RNF220: variants seen among roughly 807,000 people sequenced by gnomAD.
RNF220 encodes the protein E3 ubiquitin-protein ligase RNF220.
A neutral mutation model predicts 67.1 loss-of-function variants in RNF220; 7 were observed. The ratio of observed to expected loss-of-function variants is 0.10; its 90% CI spans 0.06 to 0.20. The LOEUF is 0.20. RNF220 is among the 10% of genes least tolerant of loss of function. The pLI, the probability that RNF220 is intolerant of heterozygous loss-of-function variation, is 1.00. For synonymous variants in RNF220, 270 were observed against 283.2 expected (o/e 0.95, Z 0.47); for missense variants, 565 against 740.3 (o/e 0.76, Z 2.75).
At chr1:44,411,940 C>G in intron 1 of RNF220, 41 bp from the exon 2 acceptor site, 211 of 695,988 alleles carry the variant, frequency 3.0e-4, no homozygotes, top group East Asian at 7.5e-4. Flanking sequence ...CTCCCCCTGA[C>G]TTTCCTCCCC....
chr1:44,649,731 C>A lies in RNF220; in HGVS notation c.1516C>A (p.Leu506Ile), dbSNP rs781000352. ...TCGGGTCAGAGAACTTGAACGGCAGCTATCTCGTGGGGACCGTTACAAATG... is the reference window on the plus strand; with the variant it reads ...TCGGGTCAGAGAACTTGAACGGCAGATATCTCGTGGGGACCGTTACAAATG... ...KARVRELERQLSRGDRYKCLI... is the reference protein window; with the variant it reads ...KARVRELERQISRGDRYKCLI... Residue 506 changes from leucine (L) to isoleucine (I), a missense_variant, in exon 13 of 15, where the codon CTA (leucine) becomes ATA (isoleucine). Physicochemically the swap from Leu to Ile is conservative, Grantham distance 5 (BLOSUM62 2). Transcript: ENST00000361799. This position sits in a 1 kb window ranked among gnomAD's most constrained non-coding sequence, Gnocchi z 5.9. 6.2e-7 allele frequency: 1 copy of A among 1,614,052 alleles called. No individual in the cohort carries two copies. The highest frequency in any genetic ancestry group is 8.5e-7 in the Non-Finnish European group (1 of 1,179,960).
chr1:44,459,789 G>A (rs1336422371), intron 2 of RNF220, among the ~76,000 whole-genome samples: 2 of 152,176 alleles, frequency 1.3e-5, no homozygotes, highest in Non-Finnish European at 2.9e-5. Flanking sequence ...CTTCAGGAAG[G>A]AGTGATTATG....
At chr1:44,568,860 G>A (rs1664227907) in intron 2 of RNF220, among the ~76,000 whole-genome samples, 1 of 152,180 alleles carries the variant, frequency 6.6e-6, no homozygotes, top group South Asian at 2.1e-4. Context: ...AGGCTTCGGA[G>A]GCTATTCCTC....
At chr1:44,632,647 A>G (rs1644196659) in intron 6 of RNF220, 1 of 575,928 alleles carries the variant, frequency 1.7e-6, no homozygotes, top group South Asian at 2.1e-5. Flanking sequence ...GTGCCGGAGA[A>G]TGAGGAACGA....
intron 2 of RNF220, among the ~76,000 whole-genome samples, chr1:44,424,536 G>C (rs1649552125): frequency 6.6e-6 from 1 of 152,164 alleles, no homozygotes; most frequent in South Asian, 2.1e-4. Context: ...TGCAGAAAGG[G>C]GAGTGAGGAC....
At position 44,632,400 on chromosome 1, in the gene RNF220, G is replaced by GGCCCCCCCC; in HGVS notation, c.949+15_949+16insGCCCCCCCC. On this transcript the variant is annotated intron_variant, in intron 6 of 14. Transcript: ENST00000361799. ...CCGACTGAATGGTGAGTCCTGCCCGGCCCCTCCCTCCGCCCCACCCCCGGC... is the reference window on the plus strand; with the variant it reads ...CCGACTGAATGGTGAGTCCTGCCCGGGCCCCCCCCCCCCTCCCTCCGCCCCACCCCCGGC... The GGCCCCCCCC allele has an allele frequency of 2.5e-6, 4 of 1,607,428 alleles. No individual in the cohort carries two copies. The highest frequency in any genetic ancestry group is 1.7e-6 in the Non-Finnish European group (2 of 1,177,470).
intron 2 of RNF220, among the ~76,000 whole-genome samples, chr1:44,422,481 CTAACCACAGAGATGCTTCATTG>C (rs1358864946): frequency 5.3e-5 from 8 of 152,218 alleles, no homozygotes; most frequent in Non-Finnish European, 1.2e-4. Context: ...TAACCCTTTC[CTAACCACAGAGATGCTTCATTG>C]CAAATGCTGC....
chr1:44,453,278 G>T lies in RNF220; in HGVS notation c.625+40556G>T, dbSNP rs572365969. Among the ~76,000 whole-genome samples, 3 of 152,188 alleles carry T rather than the reference G, an allele frequency of 2.0e-5. No homozygotes were observed. In the South Asian group the frequency reaches 6.2e-4, roughly 32 times the overall value. On this transcript the variant is annotated intron_variant, in intron 2 of 14. Coordinates refer to ENST00000361799, the MANE Select transcript of RNF220 (RefSeq NM_018150.4). ...GTGATGGTTTTATGTATTTCTTTGTGATGGTCTTTCTTTTTCTTGTCTTAT... is the reference window on the plus strand; with the variant it reads ...GTGATGGTTTTATGTATTTCTTTGTTATGGTCTTTCTTTTTCTTGTCTTAT...
chr1:44,466,725 T>C (rs1482454503), intron 2 of RNF220, among the ~76,000 whole-genome samples: 1 of 152,226 alleles, frequency 6.6e-6, no homozygotes, highest in Non-Finnish European at 1.5e-5. Flanking sequence ...TTGATAGGAA[T>C]CTTTTTCTCT....
At chr1:44,409,767 T>A (rs1404042960) in intron 1 of RNF220, among the ~76,000 whole-genome samples, 2 of 152,232 alleles carry the variant, frequency 1.3e-5, no homozygotes, top group African/African-American at 2.4e-5. Flanking sequence ...GTTCTGTGTT[T>A]AAACCCATGA....
At chr1:44,513,112 A>G (rs1272290052) in intron 2 of RNF220, among the ~76,000 whole-genome samples, 1 of 152,182 alleles carries the variant, frequency 6.6e-6, no homozygotes, top group South Asian at 2.1e-4. Flanking sequence ...AGGTTCCCCC[A>G]CTTTCTGGCC....
At chr1:44,552,566 C>CTT (rs57847805) in intron 2 of RNF220, among the ~76,000 whole-genome samples, 8 of 83,750 alleles carry the variant, frequency 9.6e-5, no homozygotes, top group African/African-American at 4.0e-4. Context: ...TAAACTTCTT[C>CTT]TTTTTTTTTT....
chr1:44,571,113 C>G (rs1215028917), intron 2 of RNF220, among the ~76,000 whole-genome samples: 2 of 151,992 alleles, frequency 1.3e-5, no homozygotes, highest in African/African-American at 4.8e-5. Context: ...TATTACTGCT[C>G]TGCTCCTAAC....
Position 44,650,792 on chromosome 1 carries a change from A to G in RNF220, c.*17A>G. 1 of 1,612,298 alleles carries G rather than the reference A, an allele frequency of 6.2e-7. No homozygotes were observed. Among genetic ancestry groups the G allele is most frequent in the Non-Finnish European group, 8.5e-7 (1 of 1,179,604 alleles). On this transcript the variant is annotated 3_prime_UTR_variant, in exon 15 of 15. Transcript: ENST00000361799. The surrounding 1 kb of genome is among the most constrained non-coding windows in gnomAD (Gnocchi z 4.3). ...TACTTGTGAGCTATCTGCCCCAGGCAGGCCTCGCCTCCAGCAGCCCCACCT... is the reference window on the plus strand; with the variant it reads ...TACTTGTGAGCTATCTGCCCCAGGCGGGCCTCGCCTCCAGCAGCCCCACCT...
chr1:44,407,071 C>T (rs1647411613), intron 1 of RNF220, among the ~76,000 whole-genome samples: 2 of 152,182 alleles, frequency 1.3e-5, no homozygotes, highest in Admixed American at 1.3e-4. Flanking sequence ...GCCAGGCGCG[C>T]GTCGCACTGG....
intron 2 of RNF220, among the ~76,000 whole-genome samples, chr1:44,527,793 G>A (rs1197546088): frequency 6.6e-6 from 1 of 151,594 alleles, no homozygotes; most frequent in Non-Finnish European, 1.5e-5. Flanking sequence ...AGGCATGGTG[G>A]CAGGCACCTG....
intron 2 of RNF220, among the ~76,000 whole-genome samples, chr1:44,470,137 C>T (rs1654674947): frequency 6.6e-6 from 1 of 152,126 alleles, no homozygotes; most frequent in Admixed American, 6.5e-5. Flanking sequence ...CTTAGACCAC[C>T]ATGGTAGAAG....
chr1:44,470,333 C>T (rs72895504), intron 2 of RNF220, among the ~76,000 whole-genome samples: 3,206 of 152,286 alleles, frequency 0.021, 128 homozygotes, highest in African/African-American at 0.073. Context: ...GGAAGGGAAT[C>T]ACAGTTCAGT....
intron 2 of RNF220, among the ~76,000 whole-genome samples, chr1:44,494,984 A>G (rs1224106189): frequency 6.6e-6 from 1 of 152,162 alleles, no homozygotes; most frequent in African/African-American, 2.4e-5. Flanking sequence ...AGGCTGAGGC[A>G]GGAGGATTGC....
Sources: allele counts gnomAD v4.1 joint callset (sites outside exome capture counted in the v4.1 genomes callset), GRCh38; gene constraint gnomAD v4.1.1; non-coding constraint Gnocchi (gnomAD v3.1); transcripts MANE v1.5; gene names NCBI Gene and HGNC (gene_info 2026-07-23, HGNC 2026-07-21).